CRIM1: variants seen among roughly 807,000 people sequenced by gnomAD.
CRIM1 encodes cysteine rich transmembrane BMP regulator 1.
In CRIM1, 32 loss-of-function variants were observed where a neutral mutation model predicts 116.4. The ratio of observed to expected loss-of-function variants is 0.27; its 90% CI spans 0.21 to 0.37. The LOEUF (loss-of-function observed/expected upper bound fraction) is 0.37. CRIM1 is among the 10% of genes least tolerant of loss of function. The pLI is 1.00. For synonymous variants in CRIM1, 590 were observed against 509.2 expected (o/e 1.16, Z -2.13); for missense variants, 1,331 against 1,354.8 (o/e 0.98, Z 0.28).
At chr2:36,524,578 T>C (rs571158152) in intron 13 of CRIM1, among the ~76,000 whole-genome samples, 2 of 152,044 alleles carry the variant, frequency 1.3e-5, no homozygotes, top group Non-Finnish European at 2.9e-5. Flanking sequence ...GCATGTTACC[T>C]TCAGAGGAAA....
chr2:36,371,716 G>A (rs189780546), intron 1 of CRIM1, among the ~76,000 whole-genome samples: 30 of 152,282 alleles, frequency 2.0e-4, no homozygotes, highest in Middle Eastern at 3.4e-3. Context: ...CTTCTTGTCA[G>A]TTTGTCATAA....
intron 4 of CRIM1, among the ~76,000 whole-genome samples, chr2:36,455,109 A>G (rs1335424382): frequency 6.6e-6 from 1 of 152,154 alleles, no homozygotes; most frequent in Non-Finnish European, 1.5e-5. Flanking sequence ...GCCAGGGAGA[A>G]CTGGAAGGAT....
chr2:36,414,171 C>T (rs149670019), intron 2 of CRIM1, among the ~76,000 whole-genome samples: 1 of 152,240 alleles, frequency 6.6e-6, no homozygotes, highest in Non-Finnish European at 1.5e-5. Flanking sequence ...TCTCATCTTA[C>T]CGGTGATTGT....
intron 7 of CRIM1, among the ~76,000 whole-genome samples, chr2:36,488,630 C>T (rs1489930018): frequency 1.3e-5 from 2 of 152,142 alleles, no homozygotes; most frequent in African/African-American, 4.8e-5. Flanking sequence ...TTTTTATTTA[C>T]CATTTATATC....
chr2:36,391,490 G>A (rs902317261), intron 1 of CRIM1, among the ~76,000 whole-genome samples: 19 of 152,212 alleles, frequency 1.2e-4, no homozygotes, highest in South Asian at 1.0e-3. Context: ...CAGCAGAACC[G>A]CTGTATTATA....
At chr2:36,395,784 T>A (rs1671980703) in intron 1 of CRIM1, among the ~76,000 whole-genome samples, 7 of 152,162 alleles carry the variant, frequency 4.6e-5, no homozygotes, top group Admixed American at 4.6e-4. Context: ...ATGGATACTA[T>A]CAGTCTCCCC....
At chr2:36,360,730 C>T (rs998013899) in intron 1 of CRIM1, among the ~76,000 whole-genome samples, 4 of 152,128 alleles carry the variant, frequency 2.6e-5, no homozygotes, top group Admixed American at 2.6e-4. Flanking sequence ...ACATTTCATT[C>T]TGCACAAGCC....
At chr2:36,503,403 C>A (rs1681140639) in intron 8 of CRIM1, among the ~76,000 whole-genome samples, 2 of 150,876 alleles carry the variant, frequency 1.3e-5, no homozygotes, top group Non-Finnish European at 2.9e-5. Flanking sequence ...ATTTTGAGGA[C>A]TAAATAAATG....
At chr2:36,407,215 G>A (rs1672873798) in intron 2 of CRIM1, among the ~76,000 whole-genome samples, 1 of 151,990 alleles carries the variant, frequency 6.6e-6, no homozygotes, top group Admixed American at 6.6e-5. Context: ...CTTTTTTGGA[G>A]CATATATACA....
At chr2:36,462,034 A>G (rs1230581252) in intron 4 of CRIM1, among the ~76,000 whole-genome samples, 2 of 152,180 alleles carry the variant, frequency 1.3e-5, no homozygotes, top group African/African-American at 4.8e-5. Context: ...GAAGGAAACA[A>G]GGAGACAGGA....
rs146818266 is a variant in CRIM1, at chr2:36,397,618, G to A, written c.505+831G>A. ...TAAAATGATGTCGTTGTAAGATGGA[G>A]TGATTGGTAATATAATACCAAGGAT... On this transcript the variant is annotated intron_variant, in intron 2 of 16. Coordinates refer to ENST00000280527, the MANE Select transcript of CRIM1 (RefSeq NM_016441.3). 2.6e-3 allele frequency among the ~76,000 whole-genome samples: 390 copies of A among 152,250 alleles called. 1 individual carries two copies. Among genetic ancestry groups the A allele is most frequent in the African/African-American group, 8.8e-3 (364 of 41,558 alleles).
chr2:36,381,824 A>ATAAAT (rs1670799559), intron 1 of CRIM1, among the ~76,000 whole-genome samples: 4 of 152,210 alleles, frequency 2.6e-5, no homozygotes, highest in African/African-American at 9.7e-5. Context: ...TTTAGAGTAA[A>ATAAAT]GCACACCCCA....
At chr2:36,389,051 A>G (rs1671384251) in intron 1 of CRIM1, among the ~76,000 whole-genome samples, 1 of 152,242 alleles carries the variant, frequency 6.6e-6, no homozygotes, top group African/African-American at 2.4e-5. Context: ...CATTGTTTGA[A>G]AGATTCAGGC....
intron 12 of CRIM1, among the ~76,000 whole-genome samples, chr2:36,518,280 G>A (rs373235729): frequency 4.6e-5 from 7 of 152,208 alleles, no homozygotes; most frequent in African/African-American, 7.2e-5. Context: ...AAATTATCAA[G>A]TTGACAGGAC....
In CRIM1 at chr2:36,547,221, T is replaced by G. The variant is rs193085430; in HGVS notation, c.2934+50T>G. 114 of 1,450,112 alleles carry G rather than the reference T, an allele frequency of 7.9e-5. No individual in the cohort carries two copies. The East Asian group carries it at 2.6e-3, about 33-fold the overall frequency. The allele number at this position is 1,450,112 out of a possible 1,614,324, so 89.8% of individuals were successfully genotyped here. ...CTTGAATGATGAATCTAGGAAAACT[T>G]ACACTCATATTGAAATTGCTTGAAA... On this transcript the variant is annotated intron_variant, in intron 16 of 16. Transcript: ENST00000280527.
chr2:36,508,310 A>G (rs1044209081), intron 8 of CRIM1, among the ~76,000 whole-genome samples: 1 of 152,240 alleles, frequency 6.6e-6, no homozygotes, highest in Non-Finnish European at 1.5e-5. Flanking sequence ...TAAATATGCA[A>G]ATATTGCCAA....
At chr2:36,479,862 G>C (rs149443936) in intron 7 of CRIM1, among the ~76,000 whole-genome samples, 168 bp downstream of exon 7, 1 of 152,238 alleles carries the variant, frequency 6.6e-6, no homozygotes, top group Non-Finnish European at 1.5e-5. Context: ...TTTGAGGAAA[G>C]GTTGCACATG....
intron 8 of CRIM1, among the ~76,000 whole-genome samples, chr2:36,501,081 C>G (rs2125088872): frequency 6.6e-6 from 1 of 152,264 alleles, no homozygotes; most frequent in East Asian, 1.9e-4. Context: ...TTTTAGAACA[C>G]TTTGTCCCTT....
At chr2:36,407,092 A>G (rs1173899192) in intron 2 of CRIM1, among the ~76,000 whole-genome samples, 1 of 152,148 alleles carries the variant, frequency 6.6e-6, no homozygotes, top group African/African-American at 2.4e-5. Flanking sequence ...TTAGCTTCCC[A>G]AGTGCCATCA....
Sources: gnomAD v4.1 joint callset for allele counts (sites outside exome capture counted in the v4.1 genomes callset) on GRCh38, gnomAD v4.1.1 for gene constraint, MANE v1.5 for transcripts, NCBI Gene and HGNC (gene_info 2026-07-23, HGNC 2026-07-21) for gene names.